The following TSEN15 variants were observed in gnomAD, a reference collection of about 807,000 sequenced individuals.
The protein encoded by TSEN15 is tRNA splicing endonuclease subunit 15.
Under a neutral mutation model 20.5 loss-of-function variants are expected in TSEN15, and 10 were observed. That is an observed-to-expected ratio of 0.49 (90% CI 0.30 to 0.83). The LOEUF (loss-of-function observed/expected upper bound fraction) is 0.83. Ranked by LOEUF, TSEN15 falls within the 40% of genes least tolerant of loss-of-function variation. The pLI is 0.06. For synonymous variants in TSEN15, 72 were observed against 80.1 expected (o/e 0.90, Z 0.54); for missense variants, 180 against 218.6 (o/e 0.82, Z 1.11).
At chr1:184,058,927 T>G (rs546770904) in intron 3 of TSEN15, among the ~76,000 whole-genome samples, 1 of 152,272 alleles carries the variant, frequency 6.6e-6, no homozygotes, top group East Asian at 1.9e-4. Flanking sequence ...GTGACTCTTA[T>G]GTGTCAGGCA....
At chr1:184,071,617 C>T (rs1473695220) in intron 3 of TSEN15, among the ~76,000 whole-genome samples, 10 of 150,886 alleles carry the variant, frequency 6.6e-5, no homozygotes, top group Admixed American at 3.3e-4. Flanking sequence ...GTCATCACTA[C>T]GAAACTCAAG....
At chr1:184,054,200 T>A (rs912554251) in intron 1 of TSEN15, among the ~76,000 whole-genome samples, 154 bp from the exon 2 acceptor site, 2 of 152,234 alleles carry the variant, frequency 1.3e-5, no homozygotes, top group South Asian at 4.1e-4. Flanking sequence ...GCAAGTTCTT[T>A]AGAGACAGAG....
intron 3 of TSEN15, among the ~76,000 whole-genome samples, chr1:184,065,035 A>T (rs1465583553): frequency 2.6e-5 from 4 of 152,180 alleles, no homozygotes; most frequent in Non-Finnish European, 5.9e-5. Context: ...CTGTGATCTA[A>T]AAAAGGCATC....
At chr1:184,095,206 A>G (rs1365736565) in intron 3 of TSEN15, 1 of 397,580 alleles carries the variant, frequency 2.5e-6, no homozygotes, top group Non-Finnish European at 4.4e-6. Flanking sequence ...TCCACCTGCC[A>G]GTTTCCTTCT....
At chr1:184,059,308 A>G (rs1650359869) in intron 3 of TSEN15, among the ~76,000 whole-genome samples, 1 of 152,198 alleles carries the variant, frequency 6.6e-6, no homozygotes, top group South Asian at 2.1e-4. Flanking sequence ...ATGATTGCCT[A>G]CCTAGCATGG....
intron 3 of TSEN15, among the ~76,000 whole-genome samples, chr1:184,067,474 G>A (rs912221627): frequency 1.3e-5 from 2 of 152,092 alleles, no homozygotes; most frequent in Non-Finnish European, 1.5e-5. Flanking sequence ...CTGGTACCTG[G>A]TACATGGTGC....
At chr1:184,058,399 A>C (rs1401282737) in intron 3 of TSEN15, among the ~76,000 whole-genome samples, 2 of 151,978 alleles carry the variant, frequency 1.3e-5, no homozygotes, top group African/African-American at 4.8e-5. Flanking sequence ...TATGCCTTTT[A>C]GTGCATAACA....
rs1235447386 is a variant in TSEN15, at chr1:184,051,759, G to C, written c.4G>C (p.Glu2Gln). The change falls in exon 1 of 5, where the codon GAG (glutamate) becomes CAG (glutamine). Residue 2 changes from glutamate to glutamine, a missense_variant. By Grantham distance (29) the Glu-to-Gln change is conservative. Around this residue, in one of 3 missense-constraint regions of TSEN15, gnomAD observed 76 missense variants for 66.5 expected, o/e 1.14. Coordinates refer to ENST00000645668, the MANE Select transcript of TSEN15 (RefSeq NM_052965.4). ...CGGGAGCGCCGCACCGGCCGGCATGGAGGAGCGCGGCGATTCCGAGCCGAC... is the reference window on the plus strand; with the variant it reads ...CGGGAGCGCCGCACCGGCCGGCATGCAGGAGCGCGGCGATTCCGAGCCGAC... M[E>Q]ERGDSEPTPG... 2 of 1,487,156 alleles carry C rather than the reference G, an allele frequency of 1.3e-6. No homozygotes were observed. The highest frequency in any genetic ancestry group is 1.4e-5 in the African/African-American group (1 of 69,438). The allele number at this position is 1,487,156 out of a possible 1,614,324, so 92.1% of individuals were successfully genotyped here.
At chr1:184,074,915 G>A (rs1651026939), downstream of TSEN15, among the ~76,000 whole-genome samples, 1 of 152,114 alleles carries the variant, frequency 6.6e-6, no homozygotes, top group East Asian at 1.9e-4. Flanking sequence ...ATGTGTTTGG[G>A]TGACTCTAGT....
chr1:184,051,935 C>G (rs376251391), intron 1 of TSEN15, 45 bp downstream of exon 1: 3 of 1,464,178 alleles, frequency 2.0e-6, no homozygotes, highest in Non-Finnish European at 2.7e-6. Context: ...GGCCCCTAAC[C>G]CAGGCAGAAC....
chr1:184,070,768 T>G (rs1373897656), intron 3 of TSEN15: 5 of 684,028 alleles, frequency 7.3e-6, no homozygotes, highest in Non-Finnish European at 9.8e-6. Context: ...ATCGTTGCTT[T>G]ATCAGAATAT....
Position 184,051,822 on chromosome 1 carries a change from G to C in TSEN15, c.67G>C (p.Gly23Arg), listed in dbSNP as rs756147466. 2.9e-5 allele frequency: 45 copies of C among 1,544,950 alleles called. 1 individual carries two copies. Among genetic ancestry groups the C allele is most frequent in the Middle Eastern group, 1.7e-4 (1 of 5,950 alleles). Residue 23 changes from glycine to arginine, a missense_variant, in exon 1 of 5, where the codon GGC becomes CGC. Transcript: ENST00000645668. ...CSGLGPGGVR[G>R]FGDGGGAPSW... is the part of the protein sequence containing the mutation. ...CGGCCTGGGTCCGGGCGGTGTTCGC[G>C]GCTTTGGCGACGGCGGTGGAGCTCC...
At chr1:184,072,747 C>A in intron 4 of TSEN15, 80 bp from the exon 5 acceptor site, 1 of 1,193,918 alleles carries the variant, frequency 8.4e-7, no homozygotes, top group Non-Finnish European at 1.2e-6. Flanking sequence ...TGGATAATTA[C>A]ATTAAATATC....
At chr1:184,094,442 C>G (rs1227485255) in intron 3 of TSEN15, 1 of 152,286 alleles carries the variant, frequency 6.6e-6, no homozygotes, top group East Asian at 1.9e-4. Context: ...CAGACCAGTT[C>G]TGGTGTGGGC....
chr1:184,065,551 T>C (rs1007429169), intron 3 of TSEN15, among the ~76,000 whole-genome samples: 12 of 152,198 alleles, frequency 7.9e-5, no homozygotes, highest in African/African-American at 2.9e-4. Flanking sequence ...CCCTGGCTGC[T>C]ACTGAACTTT....
intron 3 of TSEN15, among the ~76,000 whole-genome samples, chr1:184,067,455 G>C (rs1280853673): frequency 6.6e-6 from 1 of 152,046 alleles, no homozygotes; most frequent in Non-Finnish European, 1.5e-5. Context: ...TATATCCCTG[G>C]GGTCTAACCT....
exon 4 of TSEN15, chr1:184,096,052 T>G (rs1032166184): frequency 5.1e-5 from 14 of 272,066 alleles, no homozygotes; most frequent in Admixed American, 1.6e-4. Context: ...TTTTGGAAAC[T>G]CCAGTAACAA....
intron 3 of TSEN15, among the ~76,000 whole-genome samples, chr1:184,080,694 T>A (rs1651148915): frequency 6.6e-6 from 1 of 152,198 alleles, no homozygotes; most frequent in South Asian, 2.1e-4. Flanking sequence ...TTGGCAAACC[T>A]AAAACAATAT....
chr1:184,080,598 G>T (rs1446485273), intron 3 of TSEN15, among the ~76,000 whole-genome samples: 1 of 152,090 alleles, frequency 6.6e-6, no homozygotes, highest in East Asian at 1.9e-4. Flanking sequence ...GCTGTTTGTG[G>T]GTAATTCTGA....
Sources: gnomAD v4.1 joint callset for allele counts (sites outside exome capture counted in the v4.1 genomes callset) on GRCh38, gnomAD v4.1.1 for gene constraint, gnomAD v4.1.1 regional missense constraint, MANE v1.5 for transcripts, NCBI Gene and HGNC (gene_info 2026-07-23, HGNC 2026-07-21) for gene names.